The following LTBP3 variants were observed in gnomAD, a reference collection of about 807,000 sequenced individuals.
LTBP3 encodes the protein latent-transforming growth factor beta-binding protein 3.
A neutral mutation model predicts 159.7 loss-of-function variants in LTBP3; 97 were observed. That is an observed-to-expected ratio of 0.61 (90% CI 0.52 to 0.72). The LOEUF is 0.72. LTBP3 is among the 30% of genes least tolerant of loss of function. The pLI is 0.00. For synonymous variants in LTBP3, 824 were observed against 777.1 expected, an observed-to-expected ratio of 1.06 and a Z score of -1.00; for missense variants, 1,584 against 1,864.3, an observed-to-expected ratio of 0.85 and a Z score of 2.77.
rs1856709685 is a variant in LTBP3, at chr11:65,553,900, T to C, written c.665A>G (p.Gln222Arg). 3.3e-6 allele frequency: 5 copies of C among 1,530,598 alleles called. No homozygotes were observed. The highest frequency in any genetic ancestry group is 4.4e-6 in the Non-Finnish European group (5 of 1,140,212). 94.8% of individuals were successfully genotyped at this position (1,530,598 alleles called of 1,614,324 possible). ...LGPGQISAEV[Q>R]APPPVVNVRV... is the part of the protein sequence containing the mutation. ...CACATTCACCACGGGGGGCGGGGCCTGCACTGGGGGCGGGCGCGGTGGCCT... is the reference window on the plus strand; with the variant it reads ...CACATTCACCACGGGGGGCGGGGCCCGCACTGGGGGCGGGCGCGGTGGCCT... Residue 222 changes from glutamine (Q) to arginine (R), a missense_variant, in exon 3 of 28, where the codon CAG (glutamine) becomes CGG (arginine). Gln to Arg is a conservative substitution (Grantham distance 43, BLOSUM62 1). Transcript: ENST00000301873. The surrounding 1 kb of genome is among the most constrained non-coding windows in gnomAD (Gnocchi z 6.5).
chr11:65,551,534 GT>G lies in LTBP3; in HGVS notation c.1548+13del, dbSNP rs759302058. 1 of 1,614,058 alleles carries G rather than the reference GT, an allele frequency of 6.2e-7. No individual in the cohort carries two copies. The highest frequency in any genetic ancestry group is 1.7e-5 in the Admixed American group (1 of 60,012). ...TCGCCTGCCCACCCCTCCCATCTGG[GT>G]TCTCATACTCACTGAGTCCGTGGTC... On this transcript the variant is annotated intron_variant, in intron 9 of 27. Coordinates refer to ENST00000301873, the MANE Select transcript of LTBP3 (RefSeq NM_001130144.3).
In LTBP3 at chr11:65,547,059, G is replaced by T; in HGVS notation, c.2108-139C>A. 1.6e-6 allele frequency: 2 copies of T among 1,280,212 alleles called. No homozygotes were observed. Among genetic ancestry groups the T allele is most frequent in the Non-Finnish European group, 2.2e-6 (2 of 930,216 alleles). The allele number at this position is 1,280,212 out of a possible 1,614,324, so 79.3% of individuals were successfully genotyped here. A position where few individuals can be genotyped will look rare whatever the true frequency, so the allele number is the denominator to read the frequency against. On this transcript the variant is annotated intron_variant, in intron 14 of 27. Transcript: ENST00000301873. This position sits in a 1 kb window ranked among gnomAD's most constrained non-coding sequence, Gnocchi z 4.6. ...CAACCTCTGAGAGGCCCAGAGCCGA[G>T]CATACAGGCCGGGTGCGGTGGCACA...
Position 65,546,728 on chromosome 11 carries a change from C to CCCCCCCCCGAT in LTBP3, c.2230+69_2230+70insATCGGGGGGGG. On this transcript the variant is annotated intron_variant, in intron 15 of 27. Coordinates refer to ENST00000301873, the MANE Select transcript of LTBP3 (RefSeq NM_001130144.3). The surrounding 1 kb of genome is among the most constrained non-coding windows in gnomAD (Gnocchi z 4.0). ...CAATCACCACCGCTACCCCGCCCCG[C>CCCCCCCCCGAT]CCCCAGCGGAGCCAGACTGGGGGAG... The CCCCCCCCCGAT allele has an allele frequency of 6.5e-7, 1 of 1,534,766 alleles. No homozygotes were observed. The highest frequency in any genetic ancestry group is 8.8e-7 in the Non-Finnish European group (1 of 1,137,852).
At position 65,539,143 on chromosome 11, in the gene LTBP3, G is replaced by A. The variant is rs1855924748; in HGVS notation, c.3849C>T (p.Val1283=). The part of the protein sequence containing the change: ...CVNTSGSFRC[V]CKAGFARSRP... ...GGCTGCGCGCGAAGCCGGCTTTGCA[G>A]ACGCAGCGGAAGGAGCCGCTGGTGT... Residue 1283 remains valine (V), a synonymous_variant, in exon 28 of 28, where the codon GTC becomes GTT. Coordinates refer to ENST00000301873, the MANE Select transcript of LTBP3 (RefSeq NM_001130144.3). The A allele has an allele frequency of 2.0e-6, 3 of 1,489,914 alleles. No individual in the cohort carries two copies. The highest frequency in any genetic ancestry group is 1.5e-5 in the African/African-American group (1 of 68,570). 92.3% of individuals were successfully genotyped at this position (1,489,914 alleles called of 1,614,324 possible). A position where few individuals can be genotyped will look rare whatever the true frequency, so the allele number is the denominator to read the frequency against.
intron 9 of LTBP3, 22 bp downstream of exon 9, chr11:65,551,526 C>T (rs1386084907): frequency 6.2e-7 from 1 of 1,613,988 alleles, no homozygotes; most frequent in African/African-American, 1.3e-5. Context: ...CCCACCCCTC[C>T]CATCTGGGTT....
intron 1 of LTBP3, among the ~76,000 whole-genome samples, chr11:65,556,130 C>T (rs957395734): frequency 1.3e-5 from 2 of 152,096 alleles, no homozygotes; most frequent in African/African-American, 4.8e-5. Context: ...GGCAGGATGG[C>T]CAGGGAGCCT....
chr11:65,543,682 T>C, intron 16 of LTBP3, 133 bp from the exon 17 acceptor site: 4 of 1,178,800 alleles, frequency 3.4e-6, no homozygotes, highest in Non-Finnish European at 5.0e-6. Flanking sequence ...GGCCTCACCC[T>C]GCTTCTGGGT....
intron 17 of LTBP3, 54 bp from the exon 18 acceptor site, chr11:65,543,278 C>A: frequency 1.2e-6 from 2 of 1,613,306 alleles, no homozygotes; most frequent in East Asian, 2.2e-5. Context: ...CAACCCCAGC[C>A]TGAGGCAGCC....
rs1856723978 is a variant in LTBP3, at chr11:65,554,196, C to T, written c.516G>A (p.Leu172=). Residue 172 remains leucine, a synonymous_variant, in exon 2 of 28, where the codon CTG becomes CTA. Coordinates refer to ENST00000301873, the MANE Select transcript of LTBP3 (RefSeq NM_001130144.3). The surrounding 1 kb of genome is among the most constrained non-coding windows in gnomAD (Gnocchi z 5.3). ...TGGCCACAGAGTCGCCCTCCGGAGC[C>T]AGGGGCGGCAGCGCCCCTGTGGACA... is the stretch of plus-strand genomic sequence containing the variant. ...GALSTGALPP[L]APEGDSVASK... 7 of 1,611,174 alleles carry T rather than the reference C, an allele frequency of 4.3e-6. No homozygotes were observed. The East Asian group carries it at 1.6e-4, about 36-fold the overall frequency.
chr11:65,540,621 G>A lies in LTBP3; in HGVS notation c.2978-7C>T. On this transcript the variant is annotated splice_polypyrimidine_tract_variant and splice_region_variant and intron_variant, in intron 21 of 27. Transcript: ENST00000301873. ...AACATGCACTCGTCGATGTCTGCGG[G>A]GTGACAAACACTGGCCGCTCCGGTC... 1 of 1,605,164 alleles carries A rather than the reference G, an allele frequency of 6.2e-7. No individual in the cohort carries two copies.
At position 65,551,396 on chromosome 11, in the gene LTBP3, G is replaced by C; in HGVS notation, c.1621+6C>G. The stretch of plus-strand genomic sequence containing the variant: ...TGAGGACTCATCCCTACAGTGCCCA[G>C]CTCACCGGGGTAGGGCCGGGCAGGA... On this transcript the variant is annotated splice_donor_region_variant and intron_variant, in intron 10 of 27. Transcript: ENST00000301873. 6.2e-7 allele frequency: 1 copy of C among 1,612,504 alleles called. No homozygotes were observed. Among genetic ancestry groups the C allele is most frequent in the South Asian group, 1.1e-5 (1 of 91,042 alleles).
At position 65,540,148 on chromosome 11, in the gene LTBP3, C is replaced by G; in HGVS notation, c.3250G>C (p.Asp1084His). The change falls in exon 24 of 28, where the codon GAC becomes CAC. Residue 1084 changes from aspartate to histidine, a missense_variant. Around this residue, in one of 6 missense-constraint regions of LTBP3, gnomAD observed 514 missense variants for 530.3 expected, o/e 0.97. Coordinates refer to ENST00000301873, the MANE Select transcript of LTBP3 (RefSeq NM_001130144.3). The part of the protein sequence containing the change: ...QCLSPEEMDV[D>H]ECQDPAACRP... ...CAGGCTGCCGGGTCCTGGCACTCGT[C>G]CACGTCTACGAACAGCGAGGGGGTG... is the stretch of plus-strand genomic sequence containing the variant. 2 of 1,530,940 alleles carry G rather than the reference C, an allele frequency of 1.3e-6. No individual in the cohort carries two copies. Among genetic ancestry groups the G allele is most frequent in the Non-Finnish European group, 1.8e-6 (2 of 1,141,450 alleles). The allele number at this position is 1,530,940 out of a possible 1,614,324, so 94.8% of individuals were successfully genotyped here.
Position 65,553,851 on chromosome 11 carries a change from G to C in LTBP3, c.714C>G (p.Ala238=), listed in dbSNP as rs562493192. The part of the protein sequence containing the change: ...VNVRVHHPPE[A]SVQVHRIESS... ...TCTCAATGCGGTGCACCTGGACTGA[G>C]GCCTCGGGCGGGTGATGGACGCGCA... Residue 238 remains alanine, a synonymous_variant, in exon 3 of 28, where the codon GCC becomes GCG. Transcript: ENST00000301873. The surrounding 1 kb of genome is among the most constrained non-coding windows in gnomAD (Gnocchi z 6.5). 2 of 1,560,434 alleles carry C rather than the reference G, an allele frequency of 1.3e-6. No homozygotes were observed. Among genetic ancestry groups the C allele is most frequent in the Admixed American group, 3.7e-5 (2 of 54,028 alleles).
At chr11:65,545,153 C>G in intron 16 of LTBP3, 1 of 180,956 alleles carries the variant, frequency 5.5e-6, no homozygotes. Context: ...CTCCTCCTTC[C>G]CTGGAAATAT....
At chr11:65,557,497 G>T in intron 1 of LTBP3, 132 bp downstream of exon 1, 1 of 1,272,236 alleles carries the variant, frequency 7.9e-7, no homozygotes, top group South Asian at 1.4e-5. Context: ...GAGGCCCCTG[G>T]TCCCCCAGGC....
In LTBP3 at chr11:65,558,220, C is replaced by CG; in HGVS notation, c.-262dup. The CG allele has an allele frequency of 1.9e-6, 2 of 1,049,248 alleles. No homozygotes were observed. Among genetic ancestry groups the CG allele is most frequent in the Non-Finnish European group, 2.3e-6 (2 of 869,612 alleles). 65.0% of individuals were successfully genotyped at this position (1,049,248 alleles called of 1,614,324 possible). On this transcript the variant is annotated 5_prime_UTR_variant, in exon 1 of 28. Coordinates refer to ENST00000301873, the MANE Select transcript of LTBP3 (RefSeq NM_001130144.3). ...CGAACTCAGGCAGGAGCGAGGAGGC[C>CG]GGAGCAAGTTGAGGCGGAGAGGAGG...
In LTBP3 at chr11:65,540,476, C is replaced by T. The variant is rs1183489279; in HGVS notation, c.3106+10G>A. 1.5e-5 allele frequency: 24 copies of T among 1,613,058 alleles called. No homozygotes were observed. In the Middle Eastern group the frequency reaches 9.9e-4, roughly 66 times the overall value. ...CCGCTTCCCCACGGCCGCCGGGGGG[C>T]GGAGCTCACCCACGCATTCCAGCAG... On this transcript the variant is annotated intron_variant, in intron 22 of 27. Transcript: ENST00000301873.
Position 65,547,024 on chromosome 11 carries a change from T to C in LTBP3, c.2108-104A>G. 1 of 1,524,884 alleles carries C rather than the reference T, an allele frequency of 6.6e-7. No homozygotes were observed. Among genetic ancestry groups the C allele is most frequent in the South Asian group, 1.1e-5 (1 of 87,634 alleles). The allele number at this position is 1,524,884 out of a possible 1,614,324, so 94.5% of individuals were successfully genotyped here. A position where few individuals can be genotyped will look rare whatever the true frequency, so the allele number is the denominator to read the frequency against. ...TTCCTCCCACACAGATCAACGAGGC[T>C]CCCGGACCCCAACCTCTGAGAGGCC... On this transcript the variant is annotated intron_variant, in intron 14 of 27. Transcript: ENST00000301873. This position sits in a 1 kb window ranked among gnomAD's most constrained non-coding sequence, Gnocchi z 4.6.
At position 65,539,367 on chromosome 11, in the gene LTBP3, C is replaced by G; in HGVS notation, c.3721G>C (p.Gly1241Arg). The G allele has an allele frequency of 6.5e-7, 1 of 1,539,926 alleles. No homozygotes were observed. The highest frequency in any genetic ancestry group is 8.8e-7 in the Non-Finnish European group (1 of 1,141,396). ...CGGGAGGCGTCGAGCTGGAAGCCGCCGGGACACTCGCACACGGCGCCGCCC... is the reference window on the plus strand; with the variant it reads ...CGGGAGGCGTCGAGCTGGAAGCCGCGGGGACACTCGCACACGGCGCCGCCC... ...RPGGAVCECP[G>R]GFQLDASRAR... The change falls in exon 27 of 28, where the codon GGC becomes CGC. Residue 1241 changes from glycine to arginine, a missense_variant. Physicochemically the swap from Gly to Arg is moderately radical, Grantham distance 125. Around this residue, in one of 6 missense-constraint regions of LTBP3, gnomAD observed 514 missense variants for 530.3 expected, o/e 0.97. Transcript: ENST00000301873.
Sources: allele counts gnomAD v4.1 joint callset (sites outside exome capture counted in the v4.1 genomes callset), GRCh38; gene constraint gnomAD v4.1.1; regional missense constraint gnomAD v4.1.1; non-coding constraint Gnocchi (gnomAD v3.1); transcripts MANE v1.5; gene names NCBI Gene and HGNC (gene_info 2026-07-23, HGNC 2026-07-21).